EIF4E3: variants seen among roughly 807,000 people sequenced by gnomAD.
EIF4E3 encodes eukaryotic translation initiation factor 4E type 3.
Under a neutral mutation model 31.7 loss-of-function variants are expected in EIF4E3, and 26 were observed. That is an observed-to-expected ratio of 0.82 (90% CI 0.60 to 1.14). EIF4E3 has a LOEUF of 1.14. Among genes scored for constraint, EIF4E3 ranks in the 50% most tolerant of loss-of-function variants. The pLI is 0.00. For missense variants in EIF4E3, 304 were observed against 270.9 expected, an observed-to-expected ratio of 1.12 and a Z score of -0.86; for synonymous variants, 128 against 107.7, an observed-to-expected ratio of 1.19 and a Z score of -1.17.
intron 2 of EIF4E3, among the ~76,000 whole-genome samples, chr3:71,704,922 A>C (rs560129362): frequency 1.2e-3 from 184 of 152,384 alleles, no homozygotes; most frequent in African/African-American, 4.3e-3. Context: ...ATATTTCTTC[A>C]TAACTGGATT....
intron 3 of EIF4E3, among the ~76,000 whole-genome samples, chr3:71,698,252 A>T (rs116266240): frequency 0.029 from 4,365 of 152,276 alleles, 86 homozygotes; most frequent in African/African-American, 0.055. Context: ...AGGGAGGGTG[A>T]AAGGACTTGA....
intron 2 of EIF4E3, among the ~76,000 whole-genome samples, chr3:71,701,355 T>G (rs12631094): frequency 0.11 from 16,590 of 152,254 alleles, 946 homozygotes; most frequent in Non-Finnish European, 0.12. Flanking sequence ...TATTATCCTT[T>G]TTTTAAAGAT....
chr3:71,738,385 C>T (rs549257480), intron 1 of EIF4E3, among the ~76,000 whole-genome samples: 7 of 151,972 alleles, frequency 4.6e-5, no homozygotes, highest in East Asian at 1.9e-4. Context: ...AGCAAAAAAA[C>T]GTGACGCAAC....
chr3:71,705,103 A>AGGCCCCTCCCTTCAGCCAAG (rs2049271226), intron 2 of EIF4E3, among the ~76,000 whole-genome samples: 1 of 152,018 alleles, frequency 6.6e-6, no homozygotes, highest in Non-Finnish European at 1.5e-5. Context: ...CTCTCCCCTC[A>AGGCCCCTCCCTTCAGCCAAG]GGCCCCTCCC....
In EIF4E3 at chr3:71,680,467, T is replaced by C. The variant is rs201463172; in HGVS notation, c.*4215A>G. The C allele has an allele frequency of 3.9e-5, 6 of 152,318 alleles. No homozygotes were observed. The East Asian group carries it at 7.7e-4, about 20-fold the overall frequency. The allele number at this position is 152,318 out of a possible 1,614,324, so 9.4% of individuals were successfully genotyped here. ...ATTCTAAGAGTCCCTGAATGTTCTT[T>C]TAAAAATGGATTTATGTCAGCAACA... On this transcript the variant is annotated 3_prime_UTR_variant, in exon 7 of 7. Transcript: ENST00000425534.
At chr3:71,665,234 G>A in the EIF4E3 span, among the ~76,000 whole-genome samples, 2 of 152,062 alleles carry the variant, frequency 1.3e-5, no homozygotes, top group Non-Finnish European at 2.9e-5. Context: ...GGAATAAATT[G>A]GGCTCTGAAA....
chr3:71,725,447 C>G, upstream of EIF4E3: 1 of 866,258 alleles, frequency 1.2e-6, no homozygotes, highest in Non-Finnish European at 1.4e-6. This position sits in a 1 kb window ranked among gnomAD's most constrained non-coding sequence, Gnocchi z 6.1. Flanking sequence ...GCCCCCGCCC[C>G]GCCCCGCCCC....
At chr3:71,743,630 T>C (rs1161545924) in intron 1 of EIF4E3, among the ~76,000 whole-genome samples, 1 of 152,090 alleles carries the variant, frequency 6.6e-6, no homozygotes, top group East Asian at 1.9e-4. Flanking sequence ...AAAACACATA[T>C]GTCAATGCTA....
chr3:71,718,656 G>A (rs1263314093), intron 1 of EIF4E3, among the ~76,000 whole-genome samples: 1 of 152,226 alleles, frequency 6.6e-6, no homozygotes. Flanking sequence ...AATGGTCTCT[G>A]TAATATTAAA....
At chr3:71,714,063 A>G (rs2049422334) in intron 1 of EIF4E3, among the ~76,000 whole-genome samples, 1 of 152,020 alleles carries the variant, frequency 6.6e-6, no homozygotes. Flanking sequence ...ATACAAAAAA[A>G]TAGCTGGACG....
downstream of EIF4E3, among the ~76,000 whole-genome samples, chr3:71,672,785 C>CT (rs528241219): frequency 7.4e-4 from 109 of 147,930 alleles, 1 homozygote; most frequent in Middle Eastern, 3.5e-3. Flanking sequence ...CATCTTTTTT[C>CT]TTTTTTTTTT....
chr3:71,754,009 G>A (rs1319673119), upstream of EIF4E3: 5 of 1,091,746 alleles, frequency 4.6e-6, no homozygotes, highest in East Asian at 2.7e-4. The surrounding 1 kb of genome is among the most constrained non-coding windows in gnomAD (Gnocchi z 5.8). Context: ...GCGAGGCAGG[G>A]GACGGCCCCG....
chr3:71,714,598 A>T (rs953187442), intron 1 of EIF4E3, among the ~76,000 whole-genome samples: 2 of 152,226 alleles, frequency 1.3e-5, no homozygotes, highest in African/African-American at 4.8e-5. Flanking sequence ...AAAAACACCA[A>T]TGTGCCCAAA....
chr3:71,722,448 G>A (rs1220035274), intron 1 of EIF4E3, among the ~76,000 whole-genome samples: 1 of 152,148 alleles, frequency 6.6e-6, no homozygotes, highest in Non-Finnish European at 1.5e-5. Context: ...AGGCGAGCGG[G>A]TCACCATAAG....
At chr3:71,744,621 T>C (rs1229701686) in intron 1 of EIF4E3, among the ~76,000 whole-genome samples, 1 of 152,170 alleles carries the variant, frequency 6.6e-6, no homozygotes, top group Non-Finnish European at 1.5e-5. Context: ...GGCACGTGCC[T>C]GTAGTCCCAG....
intron 6 of EIF4E3, among the ~76,000 whole-genome samples, chr3:71,687,713 G>GT (rs1250261562): frequency 1.3e-5 from 2 of 152,212 alleles, no homozygotes; most frequent in African/African-American, 4.8e-5. Context: ...CATATCAAAT[G>GT]TAAGTTATCA....
chr3:71,712,764 A>G (rs1422500528), intron 1 of EIF4E3, among the ~76,000 whole-genome samples: 1 of 151,908 alleles, frequency 6.6e-6, no homozygotes, highest in Non-Finnish European at 1.5e-5. Flanking sequence ...AAAGGTTTAT[A>G]ATGAGTATAA....
intron 1 of EIF4E3, among the ~76,000 whole-genome samples, chr3:71,742,337 A>G (rs962272041): frequency 1.3e-5 from 2 of 152,288 alleles, no homozygotes; most frequent in South Asian, 4.1e-4. Flanking sequence ...TATGTAGAAG[A>G]TAACAATGAA....
Position 71,744,794 on chromosome 3 carries a change from G to A in EIF4E3, c.-291+8669C>T, listed in dbSNP as rs1276560427. ...AAAGCAGCTTTCTCAGGAAGCTACT[G>A]ATATATGTATACCACTTGAAAATGA... On this transcript the variant is annotated intron_variant, in intron 1 of 7. Transcript: ENST00000295612. Among the ~76,000 whole-genome samples the A allele has an allele frequency of 2.6e-5, 4 of 152,210 alleles. No homozygotes were observed. The East Asian group carries it at 5.8e-4, about 22-fold the overall frequency.
Sources: gnomAD v4.1 joint callset for allele counts (sites outside exome capture counted in the v4.1 genomes callset) on GRCh38, gnomAD v4.1.1 for gene constraint, Gnocchi (gnomAD v3.1) non-coding constraint, MANE v1.5 for transcripts, NCBI Gene and HGNC (gene_info 2026-07-23, HGNC 2026-07-21) for gene names.